CCSER1: variants seen among roughly 807,000 people sequenced by gnomAD.
CCSER1 encodes serine-rich coiled-coil domain-containing protein 1.
A neutral mutation model predicts 82.0 loss-of-function variants in CCSER1; 41 were observed. That is an observed-to-expected ratio of 0.50 (90% confidence interval 0.39 to 0.65). The LOEUF (loss-of-function observed/expected upper bound fraction) is 0.65, where lower values mean the gene tolerates loss of function less well. Among genes scored for constraint, CCSER1 ranks in the 30% least tolerant of loss-of-function variants. The pLI, the probability that CCSER1 is intolerant of heterozygous loss-of-function variation, is 0.00. For missense variants in CCSER1, 1,119 were observed against 1,064.2 expected, an observed-to-expected ratio of 1.05 and a Z score of -0.72; for synonymous variants, 414 against 383.9, an observed-to-expected ratio of 1.08 and a Z score of -0.92.
intron 5 of CCSER1, among the ~76,000 whole-genome samples, chr4:90,533,027 C>G (rs1774788250): frequency 6.7e-6 from 1 of 148,548 alleles, no homozygotes; most frequent in Admixed American, 6.7e-5. Context: ...TATTTTCTGA[C>G]TTTACTATGG....
Position 91,316,561 on chromosome 4 carries a change from G to A in CCSER1, c.2217+230567G>A, listed in dbSNP as rs79546591. On this transcript the variant is annotated intron_variant, in intron 10 of 10. Coordinates refer to ENST00000509176, the MANE Select transcript of CCSER1 (RefSeq NM_001145065.2). ...TTATTCTATGACACTAAATACGTAC[G>A]TCCTCTTGGACATCTTGAAATTATT... Among the ~76,000 whole-genome samples, 55 of 152,032 alleles carry A rather than the reference G, an allele frequency of 3.6e-4. No individual in the cohort carries two copies. In the East Asian group the frequency reaches 6.0e-3, roughly 17 times the overall value.
At chr4:91,521,547 T>C (rs1034565499) in intron 10 of CCSER1, among the ~76,000 whole-genome samples, 9 of 152,188 alleles carry the variant, frequency 5.9e-5, no homozygotes, top group African/African-American at 2.2e-4. Flanking sequence ...ATCTGTTGTT[T>C]CCTGACTTTT....
At chr4:91,543,374 T>G (rs1284283587) in intron 10 of CCSER1, among the ~76,000 whole-genome samples, 1 of 152,222 alleles carries the variant, frequency 6.6e-6, no homozygotes, top group Non-Finnish European at 1.5e-5. Context: ...TGCTTGTTAG[T>G]TGATGCAGTT....
chr4:90,591,612 G>A (rs1317784740), intron 5 of CCSER1, among the ~76,000 whole-genome samples: 6 of 152,128 alleles, frequency 3.9e-5, no homozygotes, highest in Non-Finnish European at 7.3e-5. Context: ...CAACCATTGT[G>A]GAAGATGGTG....
chr4:90,800,104 G>A (rs1247467356), intron 7 of CCSER1, among the ~76,000 whole-genome samples: 1 of 152,162 alleles, frequency 6.6e-6, no homozygotes, highest in Non-Finnish European at 1.5e-5. Flanking sequence ...TGGTCCCTTG[G>A]TGGTGCTGTT....
At chr4:91,164,501 C>T (rs886326433) in intron 10 of CCSER1, among the ~76,000 whole-genome samples, 3 of 152,252 alleles carry the variant, frequency 2.0e-5, no homozygotes, top group Non-Finnish European at 4.4e-5. Context: ...GGGAAGTTCT[C>T]CTGGATAATA....
chr4:90,150,608 C>G (rs963023902), intron 1 of CCSER1, among the ~76,000 whole-genome samples: 5 of 152,128 alleles, frequency 3.3e-5, no homozygotes, highest in African/African-American at 9.7e-5. Context: ...CTTCATCACT[C>G]TTATCAATGT....
intron 10 of CCSER1, among the ~76,000 whole-genome samples, chr4:91,298,207 A>C (rs1229199034): frequency 6.6e-6 from 1 of 152,070 alleles, no homozygotes; most frequent in Non-Finnish European, 1.5e-5. Flanking sequence ...TGCAAGTATT[A>C]GATACTACTT....
intron 10 of CCSER1, among the ~76,000 whole-genome samples, chr4:91,448,860 G>A (rs559240296): frequency 6.0e-4 from 92 of 152,190 alleles, no homozygotes; most frequent in African/African-American, 2.1e-3. Context: ...ATTCTAGTAG[G>A]GAGAGGCAGA....
intron 5 of CCSER1, among the ~76,000 whole-genome samples, chr4:90,542,767 T>G (rs1415736092): frequency 6.6e-6 from 1 of 152,112 alleles, no homozygotes; most frequent in African/African-American, 2.4e-5. Context: ...TAATGGAGTT[T>G]TTATTAAAAC....
chr4:91,187,066 C>G (rs918877083), intron 10 of CCSER1, among the ~76,000 whole-genome samples: 4 of 152,224 alleles, frequency 2.6e-5, no homozygotes, highest in Non-Finnish European at 4.4e-5. Flanking sequence ...GTCACAGCTT[C>G]CCTTGGCTAG....
At chr4:91,283,872 A>G (rs2149206773) in intron 10 of CCSER1, among the ~76,000 whole-genome samples, 1 of 152,180 alleles carries the variant, frequency 6.6e-6, no homozygotes, top group South Asian at 2.1e-4. Flanking sequence ...TCTTAAATTC[A>G]GCTCTGTGTT....
intron 10 of CCSER1, among the ~76,000 whole-genome samples, chr4:91,389,392 G>T (rs1441417338): frequency 6.6e-6 from 1 of 151,966 alleles, no homozygotes; most frequent in Non-Finnish European, 1.5e-5. Context: ...CTATATGTAT[G>T]TGGGTCTATT....
At chr4:90,425,342 G>C (rs932047502) in intron 4 of CCSER1, among the ~76,000 whole-genome samples, 8 of 152,142 alleles carry the variant, frequency 5.3e-5, no homozygotes, top group African/African-American at 9.7e-5. Context: ...GAGAGACAGA[G>C]AGTATTCAAG....
At chr4:91,030,740 T>TA (rs34151278) in intron 9 of CCSER1, among the ~76,000 whole-genome samples, 50,992 of 150,830 alleles carry the variant, frequency 0.34, 10,359 homozygotes, top group East Asian at 0.58. Context: ...TTTCTCTGAT[T>TA]AAAAAAAAAG....
At chr4:90,752,199 G>A (rs1748771779) in intron 7 of CCSER1, among the ~76,000 whole-genome samples, 1 of 152,110 alleles carries the variant, frequency 6.6e-6, no homozygotes, top group Non-Finnish European at 1.5e-5. Flanking sequence ...AGGAGAAACA[G>A]ACTCAAATAC....
chr4:90,130,314 A>G (rs867736042), intron 1 of CCSER1, among the ~76,000 whole-genome samples: 5 of 152,212 alleles, frequency 3.3e-5, no homozygotes, highest in Non-Finnish European at 5.9e-5. Flanking sequence ...CCGTAACAAT[A>G]AGAGATTACA....
chr4:90,814,808 G>A (rs145589891), intron 7 of CCSER1, among the ~76,000 whole-genome samples: 87 of 152,250 alleles, frequency 5.7e-4, no homozygotes, highest in African/African-American at 2.0e-3. Flanking sequence ...CCTGGACTTT[G>A]TTGACCAAAT....
chr4:90,231,784 C>T (rs1178629310), intron 1 of CCSER1, among the ~76,000 whole-genome samples: 5 of 151,936 alleles, frequency 3.3e-5, no homozygotes, highest in African/African-American at 7.3e-5. Context: ...TCTCAGGATA[C>T]AAAATCAATG....
Sources: gnomAD v4.1 joint callset for allele counts (sites outside exome capture counted in the v4.1 genomes callset) on GRCh38, gnomAD v4.1.1 for gene constraint, MANE v1.5 for transcripts, NCBI Gene and HGNC (gene_info 2026-07-23, HGNC 2026-07-21) for gene names.